The following DGKB variants were observed in gnomAD, a reference collection of about 807,000 sequenced individuals.
DGKB encodes 90 kDa diacylglycerol kinase.
Under a neutral mutation model 114.3 loss-of-function variants are expected in DGKB, and 67 were observed. That is an observed-to-expected ratio of 0.59 (90% CI 0.48 to 0.72). The LOEUF is 0.72. DGKB is among the 30% of genes least tolerant of loss of function. DGKB has a pLI of 0.00. For synonymous variants in DGKB, 398 were observed against 323.1 expected, an observed-to-expected ratio of 1.23 and a Z score of -2.49; for missense variants, 907 against 975.2, an observed-to-expected ratio of 0.93 and a Z score of 0.93.
At chr7:14,822,457 T>G (rs1173008263) in intron 2 of DGKB, among the ~76,000 whole-genome samples, 1 of 151,940 alleles carries the variant, frequency 6.6e-6, no homozygotes, top group African/African-American at 2.4e-5. Flanking sequence ...AGTTGAGGAT[T>G]TGGGGGAGAA....
intron 23 of DGKB, among the ~76,000 whole-genome samples, chr7:14,224,965 G>C (rs1437068560): frequency 7.2e-5 from 11 of 152,016 alleles, no homozygotes; most frequent in Admixed American, 6.6e-4. Flanking sequence ...GTCGGTGTTT[G>C]AGATATGTTT....
Position 14,698,188 on chromosome 7 carries a change from T to A in DGKB, c.517-19A>T. The A allele has an allele frequency of 7.0e-7, 1 of 1,434,364 alleles. No homozygotes were observed. Among genetic ancestry groups the A allele is most frequent in the Non-Finnish European group, 9.4e-7 (1 of 1,063,348 alleles). 88.9% of individuals were successfully genotyped at this position (1,434,364 alleles called of 1,614,324 possible). Reference sequence around the variant, plus strand: ...CTAGCTCCTGGAAGAGAAAGAGAGATAAAAAATATGAATACAAGATCTTAG... The same window carrying A: ...CTAGCTCCTGGAAGAGAAAGAGAGAAAAAAAATATGAATACAAGATCTTAG... On this transcript the variant is annotated intron_variant, in intron 7 of 25. Transcript: ENST00000402815.
intron 23 of DGKB, among the ~76,000 whole-genome samples, chr7:14,193,889 CT>C (rs1302801288): frequency 2.6e-5 from 4 of 151,898 alleles, no homozygotes; most frequent in Non-Finnish European, 5.9e-5. Flanking sequence ...GGGCAAAAGA[CT>C]TTAATAGACA....
intron 1 of DGKB, among the ~76,000 whole-genome samples, chr7:14,910,555 A>G (rs1340613958): frequency 6.6e-6 from 1 of 152,194 alleles, no homozygotes; most frequent in Non-Finnish European, 1.5e-5. Flanking sequence ...ATATATGATC[A>G]ACAAATAACA....
chr7:14,625,531 G>C (rs1808420434), intron 14 of DGKB, among the ~76,000 whole-genome samples: 1 of 151,986 alleles, frequency 6.6e-6, no homozygotes, highest in Non-Finnish European at 1.5e-5. Context: ...GTTTCAGAAA[G>C]AGCTCACCAA....
chr7:14,795,440 G>A (rs1387557823), intron 2 of DGKB, among the ~76,000 whole-genome samples: 1 of 152,096 alleles, frequency 6.6e-6, no homozygotes, highest in Non-Finnish European at 1.5e-5. Flanking sequence ...GTAATGTTAG[G>A]GTAGATTTGT....
chr7:14,551,315 A>T (rs992048929), intron 20 of DGKB, among the ~76,000 whole-genome samples: 3 of 152,246 alleles, frequency 2.0e-5, no homozygotes, highest in Non-Finnish European at 4.4e-5. Flanking sequence ...CTGATTTCAG[A>T]AGAACTAATG....
rs577074431 is a variant in DGKB at position 14,310,133 on chromosome 7, T to C, written c.2122+28382A>G. On this transcript the variant is annotated intron_variant, in intron 23 of 25. Transcript: ENST00000402815. The stretch of plus-strand genomic sequence containing the variant: ...TGTATTGAGCATGCCTGAGAAAATA[T>C]ATATGGAAAGCTAGAAATCCCGCAA... 6.6e-5 allele frequency among the ~76,000 whole-genome samples: 10 copies of C among 152,140 alleles called. No homozygotes were observed. The East Asian group carries it at 1.9e-3, about 29-fold the overall frequency.
At chr7:14,904,506 A>G (rs1783565458), upstream of DGKB, among the ~76,000 whole-genome samples, 1 of 152,208 alleles carries the variant, frequency 6.6e-6, no homozygotes, top group African/African-American at 2.4e-5. Context: ...AAAGGATTAA[A>G]TAATACATCT....
At chr7:14,842,857 G>T (rs1165056647) in intron 1 of DGKB, among the ~76,000 whole-genome samples, 1 of 152,190 alleles carries the variant, frequency 6.6e-6, no homozygotes, top group Non-Finnish European at 1.5e-5. Context: ...ACTCATTCCT[G>T]TCTAAACCTG....
chr7:14,660,638 T>C (rs1224192273), intron 13 of DGKB, among the ~76,000 whole-genome samples: 3 of 152,002 alleles, frequency 2.0e-5, no homozygotes, highest in Non-Finnish European at 4.4e-5. Context: ...GCTAGCGGTT[T>C]ATCAATTTTG....
chr7:14,432,384 T>C (rs2128792594), intron 21 of DGKB, among the ~76,000 whole-genome samples: 1 of 152,264 alleles, frequency 6.6e-6, no homozygotes, highest in Admixed American at 6.5e-5. Context: ...TGCAAAACAA[T>C]AGGCTGTAAA....
chr7:14,214,357 A>G (rs1788617408), intron 23 of DGKB, among the ~76,000 whole-genome samples: 1 of 152,024 alleles, frequency 6.6e-6, no homozygotes, highest in African/African-American at 2.4e-5. Flanking sequence ...ATTCATTTAG[A>G]AAAAAAATTC....
intron 1 of DGKB, among the ~76,000 whole-genome samples, chr7:14,898,421 T>A (rs1346568518): frequency 6.6e-6 from 1 of 152,044 alleles, no homozygotes; most frequent in African/African-American, 2.4e-5. Context: ...CTGTGACAAG[T>A]CACTTAACCC....
At chr7:14,335,999 C>T (rs550486610) in intron 23 of DGKB, among the ~76,000 whole-genome samples, 1 of 152,266 alleles carries the variant, frequency 6.6e-6, no homozygotes, top group South Asian at 2.1e-4. Context: ...CTGCCTTGGC[C>T]TCCCAAAGTG....
chr7:14,761,696 T>C (rs1326521352), intron 2 of DGKB, among the ~76,000 whole-genome samples: 1 of 152,156 alleles, frequency 6.6e-6, no homozygotes, highest in Non-Finnish European at 1.5e-5. Context: ...CAGTGACAGA[T>C]ACTAGGCTGA....
At chr7:14,886,028 T>C (rs535819632) in intron 1 of DGKB, among the ~76,000 whole-genome samples, 8 of 151,840 alleles carry the variant, frequency 5.3e-5, no homozygotes, top group African/African-American at 1.9e-4. Flanking sequence ...AGAAAATTGA[T>C]AGTGAGGAGG....
chr7:14,807,975 C>T (rs371676670), intron 2 of DGKB, among the ~76,000 whole-genome samples: 3 of 151,802 alleles, frequency 2.0e-5, no homozygotes, highest in Non-Finnish European at 4.4e-5. Flanking sequence ...ATACATAACT[C>T]CTAGGAATAG....
chr7:14,966,892 A>T lies in DGKB; in HGVS notation c.-188+7804T>A, dbSNP rs1787186853. Among the ~76,000 whole-genome samples, 4 of 152,164 alleles carry T rather than the reference A, an allele frequency of 2.6e-5. No homozygotes were observed. In the South Asian group the frequency reaches 8.3e-4, roughly 32 times the overall value. On this transcript the variant is annotated intron_variant, in intron 1 of 4. Coordinates refer to the DGKB transcript ENST00000437998. ...ATCTACATTGCAGAATGTTAAATAA[A>T]AATAAAATAATGCAAGATGCTTAAT...
Sources: allele counts gnomAD v4.1 joint callset (sites outside exome capture counted in the v4.1 genomes callset), GRCh38; gene constraint gnomAD v4.1.1; transcripts MANE v1.5; gene names NCBI Gene and HGNC (gene_info 2026-07-23, HGNC 2026-07-21).